CLASRP: variants seen among roughly 807,000 people sequenced by gnomAD.
CLASRP encodes CLK4 associating serine/arginine rich protein.
CLASRP carries 52 observed loss-of-function variants against 99.9 expected under a neutral mutation model. That is an observed-to-expected ratio of 0.52 (90% CI 0.42 to 0.66). The LOEUF is 0.66. Ranked by LOEUF, CLASRP falls within the 30% of genes least tolerant of loss-of-function variation. The probability of loss-of-function intolerance (pLI) is 0.00; values close to 1 mark genes in which losing one functional copy is unlikely to be tolerated. For synonymous variants in CLASRP, 379 were observed against 373.0 expected, an observed-to-expected ratio of 1.02 and a Z score of -0.18; for missense variants, 848 against 999.2, an observed-to-expected ratio of 0.85 and a Z score of 2.04.
At chr19:45,059,947 A>G (rs1050923876) in intron 8 of CLASRP, among the ~76,000 whole-genome samples, 1 of 151,732 alleles carries the variant, frequency 6.6e-6, no homozygotes, top group Non-Finnish European at 1.5e-5. Context: ...TTGCTCCTCA[A>G]GTGCAGAGGC....
intron 5 of CLASRP, among the ~76,000 whole-genome samples, chr19:45,053,961 C>G (rs1185822711): frequency 6.6e-6 from 1 of 152,210 alleles, no homozygotes; most frequent in African/African-American, 2.4e-5. Flanking sequence ...ACTCTGCCCG[C>G]ACAGATCAGA....
intron 5 of CLASRP, among the ~76,000 whole-genome samples, chr19:45,053,667 AC>A (rs1972069286): frequency 6.6e-6 from 1 of 151,942 alleles, no homozygotes. Context: ...TTTAGTAGAG[AC>A]GGGGTTTCGC....
rs977758410 is a variant in CLASRP at position 45,059,488 on chromosome 19, A to T, written c.710+124A>T. ...TTGTGTGCCTGGCCCTGGGCCCAGG[A>T]CTTTACACATGCAGGTCCCTGAGCC... On this transcript the variant is annotated intron_variant, in intron 8 of 20. Coordinates refer to ENST00000221455, the MANE Select transcript of CLASRP (RefSeq NM_007056.3). 6.4e-6 allele frequency: 5 copies of T among 784,570 alleles called. No homozygotes were observed. In the African/African-American group the frequency reaches 8.6e-5, roughly 13 times the overall value. The allele number at this position is 784,570 out of a possible 1,614,324, so 48.6% of individuals were successfully genotyped here.
At position 45,067,699 on chromosome 19, in the gene CLASRP, TG is replaced by T. The variant is rs1219158914; in HGVS notation, c.1667+111del. On this transcript the variant is annotated intron_variant, in intron 14 of 20. Coordinates refer to ENST00000221455, the MANE Select transcript of CLASRP (RefSeq NM_007056.3). The surrounding 1 kb of genome is among the most constrained non-coding windows in gnomAD (Gnocchi z 4.9). ...GAACTTAGCCCTACCCTGGGAGGTC[TG>T]GGGGGTGGTGTATGGCCCTGGCCTG... The T allele has an allele frequency of 7.2e-6, 8 of 1,105,166 alleles. No individual in the cohort carries two copies. The highest frequency in any genetic ancestry group is 3.1e-5 in the South Asian group (2 of 64,792). The allele number at this position is 1,105,166 out of a possible 1,614,324, so 68.5% of individuals were successfully genotyped here.
In CLASRP at chr19:45,057,756, A is replaced by G. The variant is rs76953457; in HGVS notation, c.471A>G (p.Ala157=). Residue 157 remains alanine (A), a synonymous_variant, in exon 7 of 21, where the codon GCA becomes GCG. Coordinates refer to ENST00000221455, the MANE Select transcript of CLASRP (RefSeq NM_007056.3). ...ACCAGCTCCCCTTTCTCAGGCTGGCAGAGAAGAAGGCTTCCATCGGTTATA... is the reference window on the plus strand; with the variant it reads ...ACCAGCTCCCCTTTCTCAGGCTGGCGGAGAAGAAGGCTTCCATCGGTTATA... ...RPSEDEKKKL[A]EKKASIGYTY... 2,316 of 1,613,962 alleles carry G rather than the reference A, an allele frequency of 1.4e-3. 27 individuals are homozygous for G. In the African/African-American group the frequency reaches 0.027, roughly 19 times the overall value.
chr19:45,068,150 G>T, intron 15 of CLASRP, 96 bp downstream of exon 15: 2 of 1,113,252 alleles, frequency 1.8e-6, no homozygotes, highest in Non-Finnish European at 2.7e-6. Flanking sequence ...CGGGTGGGCT[G>T]GGAGATCCAG....
chr19:45,045,566 T>C (rs1445488907), intron 2 of CLASRP, among the ~76,000 whole-genome samples: 1 of 152,190 alleles, frequency 6.6e-6, no homozygotes, highest in Non-Finnish European at 1.5e-5. Flanking sequence ...ACTCCTCCCC[T>C]GCTGACCAGG....
chr19:45,040,373 C>T, intron 2 of CLASRP, 62 bp downstream of exon 2: 1 of 1,177,704 alleles, frequency 8.5e-7, no homozygotes, highest in Non-Finnish European at 1.2e-6. Context: ...AGCTGGTCAT[C>T]CTGGTAAAAT....
Position 45,060,728 on chromosome 19 carries a change from G to T in CLASRP, c.863+101G>T, listed in dbSNP as rs1442875146. ...CTTTGGAGGCAGGCATTTGACTTGA[G>T]AAAGGAGTCTTTCTAGTGGGGCGAT... is the stretch of plus-strand genomic sequence containing the variant. On this transcript the variant is annotated intron_variant, in intron 10 of 20. Coordinates refer to ENST00000221455, the MANE Select transcript of CLASRP (RefSeq NM_007056.3). The surrounding 1 kb of genome is among the most constrained non-coding windows in gnomAD (Gnocchi z 4.6). 1.1e-6 allele frequency: 1 copy of T among 943,166 alleles called. No individual in the cohort carries two copies. The highest frequency in any genetic ancestry group is 1.6e-6 in the Non-Finnish European group (1 of 634,906). The allele number at this position is 943,166 out of a possible 1,614,324, so 58.4% of individuals were successfully genotyped here. A position where few individuals can be genotyped will look rare whatever the true frequency, so the allele number is the denominator to read the frequency against.
At chr19:45,066,694 C>CAT in intron 13 of CLASRP, among the ~76,000 whole-genome samples, 1 of 149,446 alleles carries the variant, frequency 6.7e-6, no homozygotes. Context: ...GCTTCCAGGT[C>CAT]ATATATTCCT....
chr19:45,064,045 C>T lies in CLASRP; in HGVS notation c.939C>T (p.Ser313=), dbSNP rs1162082295. ...CGGAGTCCAGCTCAGAGTCCCGCTCCCGCTCCCGCTCCCCGACCCCGGGCC... is the reference window on the plus strand; with the variant it reads ...CGGAGTCCAGCTCAGAGTCCCGCTCTCGCTCCCGCTCCCCGACCCCGGGCC... ...SPSESSSESR[S]RSRSPTPGRE... The change falls in exon 12 of 21, where the codon TCC becomes TCT. Residue 313 remains serine, a synonymous_variant. Transcript: ENST00000221455. 2 of 1,612,572 alleles carry T rather than the reference C, an allele frequency of 1.2e-6. No individual in the cohort carries two copies. The highest frequency in any genetic ancestry group is 1.7e-6 in the Non-Finnish European group (2 of 1,179,830).
rs1360945511 is a variant in CLASRP at position 45,056,518 on chromosome 19, G to A, written c.448G>A (p.Glu150Lys). 1 of 1,613,590 alleles carries A rather than the reference G, an allele frequency of 6.2e-7. No homozygotes were observed. The highest frequency in any genetic ancestry group is 8.5e-7 in the Non-Finnish European group (1 of 1,179,922). Residue 150 changes from glutamate to lysine, a missense_variant, in exon 6 of 21, where the codon GAA (glutamate) becomes AAA (lysine). Physicochemically the swap from Glu to Lys is moderately conservative, Grantham distance 56. This residue lies in a region of CLASRP where 13 missense variants were observed against 41.2 expected (regional missense o/e 0.32). Coordinates refer to ENST00000221455, the MANE Select transcript of CLASRP (RefSeq NM_007056.3). ...ELYGGLQRPS[E>K]DEKKKLAEKK... ...GTACGGAGGCCTCCAGAGACCCAGC[G>A]AAGATGAGAAGAAGAAGTGAGTCGG...
At chr19:45,055,463 G>C (rs985958128) in intron 5 of CLASRP, among the ~76,000 whole-genome samples, 2 of 152,198 alleles carry the variant, frequency 1.3e-5, no homozygotes, top group Admixed American at 6.6e-5. Flanking sequence ...AGAAATTGGG[G>C]TATCTGCTAG....
intron 2 of CLASRP, among the ~76,000 whole-genome samples, chr19:45,041,254 A>T (rs1185934693): frequency 3.3e-5 from 5 of 149,768 alleles, no homozygotes; most frequent in Non-Finnish European, 5.9e-5. Context: ...AGACTGTCTC[A>T]AAAAAAAAGG....
intron 2 of CLASRP, among the ~76,000 whole-genome samples, chr19:45,045,244 A>G (rs2163842): frequency 0.55 from 83,995 of 152,096 alleles, 23,708 homozygotes; most frequent in African/African-American, 0.66. Flanking sequence ...GGCCAGGTGC[A>G]GTGGCTCACG....
chr19:45,065,217 A>G (rs1184729607), intron 13 of CLASRP, among the ~76,000 whole-genome samples: 2 of 151,250 alleles, frequency 1.3e-5, no homozygotes, highest in African/African-American at 2.4e-5. Flanking sequence ...ACATGGTGAA[A>G]CCCCGTCTCT....
intron 5 of CLASRP, among the ~76,000 whole-genome samples, chr19:45,055,741 G>A (rs1972108268): frequency 6.6e-6 from 1 of 152,230 alleles, no homozygotes; most frequent in Non-Finnish European, 1.5e-5. Context: ...GCTGAGGCAG[G>A]AGAATCGCTT....
At chr19:45,069,282 AC>A in intron 18 of CLASRP, 34 bp downstream of exon 18, 1 of 1,604,832 alleles carries the variant, frequency 6.2e-7, no homozygotes, top group South Asian at 1.1e-5. Flanking sequence ...CCATGGCCAC[AC>A]CTCCTGGCCT....
chr19:45,069,344 G>A, intron 18 of CLASRP, 96 bp downstream of exon 18: 1 of 1,264,512 alleles, frequency 7.9e-7, no homozygotes, highest in South Asian at 1.2e-5. Context: ...CCAGCTCCCT[G>A]TGGGTGGATG....
Sources: gnomAD v4.1 joint callset for allele counts (sites outside exome capture counted in the v4.1 genomes callset) on GRCh38, gnomAD v4.1.1 for gene constraint, gnomAD v4.1.1 regional missense constraint, Gnocchi (gnomAD v3.1) non-coding constraint, MANE v1.5 for transcripts, NCBI Gene and HGNC (gene_info 2026-07-23, HGNC 2026-07-21) for gene names.